The following EXOSC5 variants were observed in gnomAD, a reference collection of about 807,000 sequenced individuals.
The protein encoded by EXOSC5 is exosome component 5.
Under a neutral mutation model 23.7 loss-of-function variants are expected in EXOSC5, and 15 were observed. That is an observed-to-expected ratio of 0.63 (90% confidence interval 0.42 to 0.97). EXOSC5 has a LOEUF of 0.97. Among genes scored for constraint, EXOSC5 ranks in the 50% least tolerant of loss-of-function variants. The pLI is 0.00. For synonymous variants in EXOSC5, 143 were observed against 140.9 expected (o/e 1.02, Z -0.11); for missense variants, 305 against 316.3 (o/e 0.96, Z 0.27).
chr19:41,393,832 C>G (rs1000747631), intron 1 of EXOSC5, among the ~76,000 whole-genome samples: 1 of 152,096 alleles, frequency 6.6e-6, no homozygotes, highest in Non-Finnish European at 1.5e-5. Flanking sequence ...GGATTACAGG[C>G]GTGAGCCACT....
At position 41,392,986 on chromosome 19, in the gene EXOSC5, G is replaced by A. The variant is rs1274430867; in HGVS notation, c.149-6C>T. 1 of 1,612,264 alleles carries A rather than the reference G, an allele frequency of 6.2e-7. No homozygotes were observed. Among genetic ancestry groups the A allele is most frequent in the African/African-American group, 1.3e-5 (1 of 74,868 alleles). On this transcript the variant is annotated splice_region_variant and splice_polypyrimidine_tract_variant and intron_variant, in intron 1 of 5. Transcript: ENST00000221233. ...CGCCAGGACAGAGGTGTCACCTGAG[G>A]AGACAGCAGGGAGGGCCTCACTCAC...
rs531084639 is a variant in EXOSC5, at chr19:41,386,684, G to A, written c.657C>T (p.His219=). The change falls in exon 6 of 6, where the codon CAC becomes CAT. Residue 219 remains histidine, a synonymous_variant. Coordinates refer to ENST00000221233, the MANE Select transcript of EXOSC5 (RefSeq NM_020158.4). The stretch of plus-strand genomic sequence containing the variant: ...GCGATTCCCGGTAGAAACGGAAGAC[G>A]TGTTGCGAAGCGGCCTGGGCCGCAG... ...CLAAAQAASQ[H]VFRFYRESLQ... The A allele has an allele frequency of 1.5e-5, 24 of 1,603,954 alleles. No homozygotes were observed. In the African/African-American group the frequency reaches 1.6e-4, roughly 11 times the overall value.
At chr19:41,386,774 A>T in intron 5 of EXOSC5, 49 bp from the exon 6 acceptor site, 1 of 1,515,502 alleles carries the variant, frequency 6.6e-7, no homozygotes, top group Non-Finnish European at 8.9e-7. Context: ...CTTCATGCAC[A>T]CACGACTTGG....
rs775237542 is a variant in EXOSC5 at position 41,389,830 on chromosome 19, C to A, written c.460G>T (p.Gly154Trp). 6.2e-7 allele frequency: 1 copy of A among 1,614,170 alleles called. No homozygotes were observed. Among genetic ancestry groups the A allele is most frequent in the Non-Finnish European group, 8.5e-7 (1 of 1,180,022 alleles). The change falls in exon 4 of 6, where the codon GGG becomes TGG. Residue 154 changes from glycine (G) to tryptophan (W), a missense_variant. By Grantham distance (184) the Gly-to-Trp change is radical. Coordinates refer to ENST00000221233, the MANE Select transcript of EXOSC5 (RefSeq NM_020158.4). The stretch of plus-strand genomic sequence containing the variant: ...TCAGAGTCCAGGGCGCAGGCGACCC[C>A]ACAGAAGAGAGCCCGCATGGGCACA... ...AGVPMRALFC[G>W]VACALDSDGT...
intron 1 of EXOSC5, 104 bp downstream of exon 1, chr19:41,397,077 C>A: frequency 7.4e-7 from 1 of 1,348,546 alleles, no homozygotes; most frequent in Non-Finnish European, 1.0e-6. Flanking sequence ...CATGCATCAA[C>A]GCAGGAGTGA....
Position 41,392,221 on chromosome 19 carries a change from C to T in EXOSC5, c.263-259G>A, listed in dbSNP as rs577386719. 2.6e-5 allele frequency: 13 copies of T among 495,176 alleles called. No individual in the cohort carries two copies. In the East Asian group the frequency reaches 3.1e-4, roughly 12 times the overall value. 30.7% of individuals were successfully genotyped at this position (495,176 alleles called of 1,614,324 possible). A position where few individuals can be genotyped will look rare whatever the true frequency, so the allele number is the denominator to read the frequency against. ...AGTTCCATGTCTGTGCTGCTACCCA[C>T]GCCCACTCCCACCCTAGCAGGTCCA... On this transcript the variant is annotated intron_variant, in intron 2 of 5. Coordinates refer to ENST00000221233, the MANE Select transcript of EXOSC5 (RefSeq NM_020158.4).
At chr19:41,396,583 G>C (rs2039066601) in intron 1 of EXOSC5, among the ~76,000 whole-genome samples, 1 of 150,994 alleles carries the variant, frequency 6.6e-6, no homozygotes, top group Non-Finnish European at 1.5e-5. Flanking sequence ...TAGGAAAAGG[G>C]GATATTTGCT....
At chr19:41,394,504 G>A (rs1432830958) in intron 1 of EXOSC5, among the ~76,000 whole-genome samples, 1 of 151,994 alleles carries the variant, frequency 6.6e-6, no homozygotes, top group Non-Finnish European at 1.5e-5. Flanking sequence ...GAGCAGCATA[G>A]GAAGACTCCT....
rs756993318 is a variant in EXOSC5, at chr19:41,397,342, C to T, written c.-14G>A. On this transcript the variant is annotated 5_prime_UTR_variant, in exon 1 of 6. It adds an upstream start codon to the 5' untranslated region. Transcript: ENST00000221233. The stretch of plus-strand genomic sequence containing the variant: ...CTCCTCCTCCATCGCGCCGAGCCCA[C>T]GTGCGGCTGCAGTTGTCACTTCCGC... 4 of 1,604,148 alleles carry T rather than the reference C, an allele frequency of 2.5e-6. No individual in the cohort carries two copies. Among genetic ancestry groups the T allele is most frequent in the African/African-American group, 2.7e-5 (2 of 74,794 alleles).
chr19:41,390,055 C>A, intron 3 of EXOSC5, 150 bp from the exon 4 acceptor site: 2 of 974,506 alleles, frequency 2.1e-6, no homozygotes, highest in East Asian at 3.2e-5. Flanking sequence ...GCCTCAGCCT[C>A]CTGAGTAGCT....
chr19:41,390,964 C>G (rs1024703511), intron 3 of EXOSC5, among the ~76,000 whole-genome samples: 6 of 152,174 alleles, frequency 3.9e-5, no homozygotes, highest in Non-Finnish European at 7.3e-5. Flanking sequence ...CTCAACCTCT[C>G]GCACCTCAGA....
At chr19:41,397,111 G>A (rs764537186) in intron 1 of EXOSC5, 70 bp downstream of exon 1, 9 of 1,522,376 alleles carry the variant, frequency 5.9e-6, no homozygotes, top group South Asian at 4.8e-5. Flanking sequence ...GTATCGTGAG[G>A]AGGTGGGCAC....
chr19:41,391,467 T>C (rs2039022119), intron 3 of EXOSC5: 1 of 202,330 alleles, frequency 4.9e-6, no homozygotes, highest in South Asian at 1.7e-4. Context: ...GCCTTCCAGC[T>C]GTGTGACCTT....
chr19:41,386,459 C>T lies in EXOSC5; in HGVS notation c.*174G>A. On this transcript the variant is annotated 3_prime_UTR_variant, in exon 6 of 6. Transcript: ENST00000221233. ...TCCTTGCTGGGGGGATCTGTGCCCC[C>T]AGGCCTGGGGGCTGTCACAGGCCAA... 1 of 575,634 alleles carries T rather than the reference C, an allele frequency of 1.7e-6. No individual in the cohort carries two copies. Among genetic ancestry groups the T allele is most frequent in the Non-Finnish European group, 3.1e-6 (1 of 323,954 alleles). 35.7% of individuals were successfully genotyped at this position (575,634 alleles called of 1,614,324 possible).
At chr19:41,392,156 G>C in intron 2 of EXOSC5, 194 bp from the exon 3 acceptor site, 1 of 717,010 alleles carries the variant, frequency 1.4e-6, no homozygotes, top group Non-Finnish European at 2.1e-6. Flanking sequence ...GCTACCTCCA[G>C]CATCCACCAA....
At chr19:41,388,246 G>GT (rs1249118158) in intron 4 of EXOSC5, among the ~76,000 whole-genome samples, 1 of 152,208 alleles carries the variant, frequency 6.6e-6, no homozygotes, top group African/African-American at 2.4e-5. Flanking sequence ...CACTTATCTG[G>GT]TACCTCTCGG....
chr19:41,391,619 C>T, intron 3 of EXOSC5: 1 of 499,554 alleles, frequency 2.0e-6, no homozygotes, highest in African/African-American at 2.0e-5. Context: ...CCACGGGGAT[C>T]ATAAGGGCAT....
In EXOSC5 at chr19:41,386,718, T is replaced by C; in HGVS notation, c.623A>G (p.Gln208Arg). The change falls in exon 6 of 6, where the codon CAG (glutamine) becomes CGG (arginine). Residue 208 changes from glutamine (Q) to arginine (R), a missense_variant. Gln to Arg is a conservative substitution (Grantham distance 43). Coordinates refer to ENST00000221233, the MANE Select transcript of EXOSC5 (RefSeq NM_020158.4). Reference sequence around the variant, plus strand: ...AGCGGCCTGGGCCGCAGCCAGGCACTGCTGGAGCTGCGGGGGAGAGACTGG... The same window carrying C: ...AGCGGCCTGGGCCGCAGCCAGGCACCGCTGGAGCTGCGGGGGAGAGACTGG... Reference protein sequence around the residue: ...KGLYSDTELQQCLAAAQAASQ... With the variant: ...KGLYSDTELQRCLAAAQAASQ... The C allele has an allele frequency of 6.3e-7, 1 of 1,591,040 alleles. No individual in the cohort carries two copies. The highest frequency in any genetic ancestry group is 1.1e-5 in the South Asian group (1 of 88,036).
rs867927044 is a variant in EXOSC5, at chr19:41,387,792, G to A, written c.526-189C>T. 1.4e-3 allele frequency among the ~76,000 whole-genome samples: 165 copies of A among 116,288 alleles called. No individual in the cohort carries two copies. The highest frequency in any genetic ancestry group is 1.8e-3 in the Admixed American group (19 of 10,702). The allele number at this position is 116,288 out of a possible 152,430, so 76.3% of individuals were successfully genotyped here. ...GGCAACAGAGGGAGACCCCATCTCA[G>A]AAAAAAAAAAAAAAAAAAGGTAGCT... On this transcript the variant is annotated intron_variant, in intron 4 of 5. Coordinates refer to ENST00000221233, the MANE Select transcript of EXOSC5 (RefSeq NM_020158.4).
Sources: gnomAD v4.1 joint callset for allele counts (sites outside exome capture counted in the v4.1 genomes callset) on GRCh38, gnomAD v4.1.1 for gene constraint, MANE v1.5 for transcripts, NCBI Gene and HGNC (gene_info 2026-07-23, HGNC 2026-07-21) for gene names.